Variants in KLRG1 observed in about 807,000 individuals in gnomAD.
KLRG1 encodes the protein killer cell lectin like receptor G1.
A neutral mutation model predicts 21.8 loss-of-function variants in KLRG1; 16 were observed. That is an observed-to-expected ratio of 0.73 (90% CI 0.50 to 1.11). KLRG1 has a LOEUF of 1.11. Among genes scored for constraint, KLRG1 ranks in the 50% most tolerant of loss-of-function variants. KLRG1 has a pLI of 0.00. For missense variants in KLRG1, 173 were observed against 218.3 expected, an observed-to-expected ratio of 0.79 and a Z score of 1.31; for synonymous variants, 69 against 75.9, an observed-to-expected ratio of 0.91 and a Z score of 0.47.
chr12:8,993,683 T>C (rs1340430596), intron 2 of KLRG1, among the ~76,000 whole-genome samples: 1 of 152,162 alleles, frequency 6.6e-6, no homozygotes, highest in African/African-American at 2.4e-5. Context: ...AGTTGGGAAT[T>C]TCTAATCCAG....
the KLRG1 span, among the ~76,000 whole-genome samples, chr12:9,198,590 CAT>C: frequency 6.6e-6 from 1 of 152,086 alleles, no homozygotes; most frequent in Non-Finnish European, 1.5e-5. Context: ...CCTAGGAACA[CAT>C]GAGGCATGTA....
At chr12:9,140,029 T>C in the KLRG1 span, among the ~76,000 whole-genome samples, 1 of 152,082 alleles carries the variant, frequency 6.6e-6, no homozygotes, top group Non-Finnish European at 1.5e-5. Flanking sequence ...GGAGAGGAGG[T>C]TATCTTGGGA....
intron 1 of KLRG1, among the ~76,000 whole-genome samples, chr12:8,968,044 T>C (rs564393028): frequency 9.3e-4 from 142 of 152,006 alleles, no homozygotes; most frequent in Admixed American, 1.8e-3. Flanking sequence ...AATAATAAAG[T>C]AGAATCATGA....
intron 1 of KLRG1, among the ~76,000 whole-genome samples, chr12:8,972,359 G>A (rs781677787): frequency 7.8e-4 from 119 of 152,124 alleles, no homozygotes; most frequent in Admixed American, 1.9e-3. Context: ...GGGTTGCACC[G>A]TGTTAGCCAG....
chr12:9,152,729 A>T, the KLRG1 span: 1 of 1,301,710 alleles, frequency 7.7e-7, no homozygotes, highest in African/African-American at 1.5e-5. Context: ...AAATTATATT[A>T]ATCTAATAAC....
chr12:9,129,635 G>A, the KLRG1 span, among the ~76,000 whole-genome samples: 89 of 151,886 alleles, frequency 5.9e-4, no homozygotes, highest in Non-Finnish European at 9.3e-4. Context: ...GTGCAGTGGC[G>A]CGTTCTGCTC....
chr12:8,970,859 A>G (rs1335595963), intron 1 of KLRG1, among the ~76,000 whole-genome samples: 3 of 152,000 alleles, frequency 2.0e-5, no homozygotes, highest in African/African-American at 7.2e-5. Flanking sequence ...GCTTCAGTTC[A>G]CGTGATCTAT....
At chr12:9,068,897 A>G in the KLRG1 span, 1 of 1,323,274 alleles carries the variant, frequency 7.6e-7, no homozygotes, top group Non-Finnish European at 1.0e-6. Context: ...TCTCTCTTTG[A>G]ATTAGTTTAA....
At chr12:9,181,113 G>T in the KLRG1 span, 1 of 1,613,998 alleles carries the variant, frequency 6.2e-7, no homozygotes. Context: ...ACTTTGTGCT[G>T]GGCTGAAGCT....
the KLRG1 span, chr12:9,070,432 G>T: frequency 8.7e-7 from 1 of 1,150,734 alleles, no homozygotes; most frequent in East Asian, 2.4e-5. Context: ...GTCTTATGCT[G>T]GGGATACATA....
the KLRG1 span, chr12:9,089,244 C>A: frequency 6.3e-7 from 1 of 1,585,964 alleles, no homozygotes; most frequent in Non-Finnish European, 8.6e-7. Flanking sequence ...CTTCTCTAGT[C>A]CTTCAGGCTT....
intron 2 of KLRG1, among the ~76,000 whole-genome samples, chr12:8,993,392 G>T (rs760612497): frequency 6.6e-6 from 1 of 151,998 alleles, no homozygotes; most frequent in African/African-American, 2.4e-5. Flanking sequence ...AGGTTCAAGC[G>T]ATTCTCATGC....
the KLRG1 span, among the ~76,000 whole-genome samples, chr12:9,211,894 C>T: frequency 6.6e-6 from 1 of 152,096 alleles, no homozygotes; most frequent in Non-Finnish European, 1.5e-5. Flanking sequence ...AACTGGGGCT[C>T]TAGTAGGCTT....
the KLRG1 span, chr12:9,135,125 CT>C: frequency 4.6e-6 from 1 of 217,432 alleles, no homozygotes; most frequent in Non-Finnish European, 9.7e-6. Flanking sequence ...CCTCCATGTC[CT>C]TCGTCTCCAA....
the KLRG1 span, chr12:9,057,796 T>C: frequency 6.6e-6 from 1 of 152,376 alleles, no homozygotes; most frequent in African/African-American, 2.4e-5. Flanking sequence ...GTCTTCATCC[T>C]TTGAAAGATA....
chr12:8,957,149 G>A (rs1946308701), intron 1 of KLRG1, among the ~76,000 whole-genome samples: 1 of 152,234 alleles, frequency 6.6e-6, no homozygotes, highest in Non-Finnish European at 1.5e-5. Context: ...TGTAATATCT[G>A]TGAACTTGTA....
the KLRG1 span, chr12:9,074,637 C>T: frequency 6.2e-7 from 1 of 1,613,876 alleles, no homozygotes. Context: ...GAGGTCAGGT[C>T]CTCCGAGGTT....
chr12:9,070,813 C>T, the KLRG1 span, among the ~76,000 whole-genome samples: 1 of 146,244 alleles, frequency 6.8e-6, no homozygotes, highest in African/African-American at 2.6e-5. Context: ...TGTATGGGGG[C>T]TGAGGATCTG....
the KLRG1 span, chr12:9,077,729 G>T: frequency 6.2e-7 from 1 of 1,614,118 alleles, no homozygotes; most frequent in Admixed American, 1.7e-5. Context: ...CAGTGACCCA[G>T]AGCTCCTGAA....
Sources: gnomAD v4.1 joint callset for allele counts (sites outside exome capture counted in the v4.1 genomes callset) on GRCh38, gnomAD v4.1.1 for gene constraint, MANE v1.5 for transcripts, NCBI Gene and HGNC (gene_info 2026-07-23, HGNC 2026-07-21) for gene names.